Variants in QKI observed in about 807,000 individuals in gnomAD.
The protein encoded by QKI is QKI, KH domain containing RNA binding.
QKI carries 10 observed loss-of-function variants against 39.0 expected under a neutral mutation model. That is an observed-to-expected ratio of 0.26 (90% CI 0.16 to 0.43). The LOEUF (loss-of-function observed/expected upper bound fraction) is 0.43, where lower values mean the gene tolerates loss of function less well. Among genes scored for constraint, QKI ranks in the 20% least tolerant of loss-of-function variants. The pLI is 1.00. For synonymous variants in QKI, 204 were observed against 155.4 expected (o/e 1.31, Z -2.33); for missense variants, 218 against 428.0 (o/e 0.51, Z 4.33).
intron 1 of QKI, among the ~76,000 whole-genome samples, chr6:163,443,699 T>C (rs896875992): frequency 6.6e-6 from 1 of 152,256 alleles, no homozygotes; most frequent in Admixed American, 6.5e-5. Flanking sequence ...ATGTATTTGC[T>C]TTGTTTATGG....
chr6:163,471,011 A>G (rs1169967940), intron 2 of QKI, among the ~76,000 whole-genome samples: 1 of 152,178 alleles, frequency 6.6e-6, no homozygotes, highest in Non-Finnish European at 1.5e-5. Context: ...AAATAAAGTC[A>G]CAGATTTGTG....
chr6:163,567,657 C>G, intron 7 of QKI: 3 of 984,966 alleles, frequency 3.0e-6, no homozygotes, highest in Non-Finnish European at 3.6e-6. Context: ...ATGGTATTTT[C>G]GGTTTATTGA....
intron 3 of QKI, among the ~76,000 whole-genome samples, chr6:163,504,973 T>C (rs1274081895): frequency 6.6e-6 from 1 of 152,178 alleles, no homozygotes; most frequent in Admixed American, 6.5e-5. Flanking sequence ...GAAAACCATG[T>C]TTCCTAATAT....
In QKI at chr6:163,575,599, C is replaced by T. The variant is rs1229393758; in HGVS notation, c.*4889C>T. Reference sequence around the variant, plus strand: ...ACATGAAAGTAGTTACTCCCATACGCACCAGTGCAGTAGCTCCAGGTGTAA... The same window carrying T: ...ACATGAAAGTAGTTACTCCCATACGTACCAGTGCAGTAGCTCCAGGTGTAA... On this transcript the variant is annotated 3_prime_UTR_variant, in exon 8 of 8. Coordinates refer to ENST00000361752, the MANE Select transcript of QKI (RefSeq NM_006775.3). The T allele has an allele frequency of 6.6e-6, 1 of 152,164 alleles. No homozygotes were observed. The highest frequency in any genetic ancestry group is 1.5e-5 in the Non-Finnish European group (1 of 68,034). 9.4% of individuals were successfully genotyped at this position (152,164 alleles called of 1,614,324 possible).
chr6:163,544,716 G>A (rs1273034499), intron 4 of QKI, among the ~76,000 whole-genome samples: 3 of 151,986 alleles, frequency 2.0e-5, no homozygotes, highest in Admixed American at 2.0e-4. Flanking sequence ...AGCCATTAGG[G>A]TACAGTTTCA....
intron 2 of QKI, among the ~76,000 whole-genome samples, chr6:163,456,048 T>G (rs915289986): frequency 6.6e-6 from 1 of 152,174 alleles, no homozygotes; most frequent in African/African-American, 2.4e-5. Flanking sequence ...CACACTGTAG[T>G]CACATTGACC....
At chr6:163,475,533 C>G (rs1055594076) in intron 2 of QKI, among the ~76,000 whole-genome samples, 4 of 152,162 alleles carry the variant, frequency 2.6e-5, no homozygotes, top group African/African-American at 9.6e-5. Context: ...GTGTGGGGAC[C>G]TGTAACCAAT....
intron 3 of QKI, among the ~76,000 whole-genome samples, chr6:163,485,211 A>G (rs538979434): frequency 2.4e-4 from 36 of 152,350 alleles, no homozygotes; most frequent in African/African-American, 8.2e-4. Context: ...GATCGGGTGC[A>G]TTCAGTATGG....
chr6:163,521,184 C>T (rs1780135197), intron 3 of QKI, among the ~76,000 whole-genome samples: 1 of 152,018 alleles, frequency 6.6e-6, no homozygotes, highest in Non-Finnish European at 1.5e-5. Flanking sequence ...GAATATCAGC[C>T]CATGAGTATA....
At chr6:163,492,928 T>A (rs1276609941) in intron 3 of QKI, among the ~76,000 whole-genome samples, 2 of 152,182 alleles carry the variant, frequency 1.3e-5, no homozygotes, top group Non-Finnish European at 2.9e-5. Flanking sequence ...TCATCTTTTA[T>A]AACATAAAAA....
chr6:163,447,400 A>G (rs532905435), intron 1 of QKI, among the ~76,000 whole-genome samples: 2 of 152,226 alleles, frequency 1.3e-5, no homozygotes, highest in East Asian at 3.9e-4. Context: ...TATACAATGT[A>G]TTAGTTAACT....
intron 2 of QKI, among the ~76,000 whole-genome samples, 195 bp from the exon 3 acceptor site, chr6:163,478,585 T>C (rs917369456): frequency 2.0e-5 from 3 of 152,234 alleles, no homozygotes; most frequent in African/African-American, 2.4e-5. Context: ...TGTGAAAATA[T>C]AATGCTAAAC....
At chr6:163,537,804 C>T (rs1179793519) in intron 4 of QKI, among the ~76,000 whole-genome samples, 2 of 152,158 alleles carry the variant, frequency 1.3e-5, no homozygotes, top group Admixed American at 6.5e-5. Flanking sequence ...GTATCAGAAC[C>T]CCACAACTGG....
chr6:163,421,637 G>T (rs534833250), intron 1 of QKI, among the ~76,000 whole-genome samples: 171 of 148,860 alleles, frequency 1.1e-3, no homozygotes, highest in African/African-American at 4.2e-3. Context: ...AACACAAATA[G>T]CTATGTTTTT....
chr6:163,525,800 G>C (rs943151028), intron 3 of QKI, among the ~76,000 whole-genome samples: 3 of 152,070 alleles, frequency 2.0e-5, no homozygotes, highest in Admixed American at 2.0e-4. Context: ...ATCTGAAGTC[G>C]GTTTAACTGA....
chr6:163,515,745 T>C (rs1026409849), intron 3 of QKI, among the ~76,000 whole-genome samples: 4 of 152,190 alleles, frequency 2.6e-5, no homozygotes, highest in African/African-American at 9.6e-5. Context: ...AGTGATCTTA[T>C]TTCTAGTTTA....
At chr6:163,537,876 C>T (rs1562523906) in intron 4 of QKI, among the ~76,000 whole-genome samples, 1 of 152,184 alleles carries the variant, frequency 6.6e-6, no homozygotes, top group Admixed American at 6.6e-5. Flanking sequence ...TTACCTTTCC[C>T]TGCTTAAAGA....
intron 4 of QKI, among the ~76,000 whole-genome samples, chr6:163,551,980 T>C (rs1782258257): frequency 6.6e-6 from 1 of 152,178 alleles, no homozygotes; most frequent in Admixed American, 6.5e-5. Context: ...AAAATCCACG[T>C]ATAATTTTGA....
chr6:163,531,887 A>G (rs548073421), intron 3 of QKI, among the ~76,000 whole-genome samples: 6 of 152,212 alleles, frequency 3.9e-5, no homozygotes, highest in Admixed American at 3.9e-4. Flanking sequence ...TAATTTCTCC[A>G]TCTTTGAAAA....
Sources: allele counts gnomAD v4.1 joint callset (sites outside exome capture counted in the v4.1 genomes callset), GRCh38; gene constraint gnomAD v4.1.1; transcripts MANE v1.5; gene names NCBI Gene and HGNC (gene_info 2026-07-23, HGNC 2026-07-21).